The following ZCCHC14 variants were observed in gnomAD, a reference collection of about 807,000 sequenced individuals.
ZCCHC14 encodes the protein zinc finger CCHC domain-containing protein 14.
Under a neutral mutation model 85.0 loss-of-function variants are expected in ZCCHC14, and 16 were observed. That is an observed-to-expected ratio of 0.19 (90% CI 0.13 to 0.29). The LOEUF (loss-of-function observed/expected upper bound fraction) is 0.29. ZCCHC14 is among the 10% of genes least tolerant of loss of function. The pLI is 1.00. For missense variants in ZCCHC14, 1,303 were observed against 1,443.5 expected, an observed-to-expected ratio of 0.90 and a Z score of 1.58; for synonymous variants, 775 against 630.7, an observed-to-expected ratio of 1.23 and a Z score of -3.43.
At position 87,492,749 on chromosome 16, in the gene ZCCHC14, G is replaced by C. The variant is rs934746508; in HGVS notation, c.-511C>G. On this transcript the variant is annotated 5_prime_UTR_variant, in exon 1 of 13. Transcript: ENST00000671377. This position sits in a 1 kb window ranked among gnomAD's most constrained non-coding sequence, Gnocchi z 6.7. ...CTCCGCCCAGGCCGGCCGTTACCCC[G>C]GGCCGCGGGCGCGGCGTCGCCGCCT... The C allele has an allele frequency of 4.2e-5, 6 of 143,908 alleles. No individual in the cohort carries two copies. Among genetic ancestry groups the C allele is most frequent in the Non-Finnish European group, 7.6e-5 (5 of 65,426 alleles). The allele number at this position is 143,908 out of a possible 1,614,324, so 8.9% of individuals were successfully genotyped here.
At position 87,481,526 on chromosome 16, in the gene ZCCHC14, CGGGGGGGGGGGGGGGTGG is replaced by C. The variant is rs1184208945; in HGVS notation, c.570+10125_570+10142del. Among the ~76,000 whole-genome samples, 2 of 2,434 alleles carry C rather than the reference CGGGGGGGGGGGGGGGTGG, an allele frequency of 8.2e-4. 1 individual carries two copies. The highest frequency in any genetic ancestry group is 0.062 in the South Asian group (2 of 32). 1.6% of individuals were successfully genotyped at this position (2,434 alleles called of 152,430 possible). A position where few individuals can be genotyped will look rare whatever the true frequency, so the allele number is the denominator to read the frequency against. On this transcript the variant is annotated intron_variant, in intron 1 of 12. Coordinates refer to ENST00000671377, the MANE Select transcript of ZCCHC14 (RefSeq NM_015144.3). ...ATGGCAAGTGTGGCAGGGAGAGAAA[CGGGGGGGGGGGGGGGTGG>C]GGGGGGGGAAGGGTAAGCGGGAGGG... is the stretch of plus-strand genomic sequence containing the variant.
In ZCCHC14 at chr16:87,408,644, A is replaced by C. The variant is rs760773295; in HGVS notation, c.*1636T>G. On this transcript the variant is annotated 3_prime_UTR_variant, in exon 13 of 13. Transcript: ENST00000671377. ...ATTGCATAGAAATAAAATTCAACTA[A>C]AATAAAACTAAAAAATTCTACTAAA... The C allele has an allele frequency of 1.5e-4, 23 of 152,578 alleles. No individual in the cohort carries two copies. The highest frequency in any genetic ancestry group is 2.8e-4 in the Non-Finnish European group (19 of 68,038). The allele number at this position is 152,578 out of a possible 1,614,324, so 9.5% of individuals were successfully genotyped here.
chr16:87,441,643 T>C (rs371179127), intron 2 of ZCCHC14, among the ~76,000 whole-genome samples: 6 of 152,330 alleles, frequency 3.9e-5, no homozygotes, highest in African/African-American at 9.6e-5. Context: ...GGCTTTATTG[T>C]AGGAAAATAT....
At position 87,412,022 on chromosome 16, in the gene ZCCHC14, T is replaced by C. The variant is rs1194247438; in HGVS notation, c.2699A>G (p.His900Arg). The change falls in exon 12 of 13, where the codon CAC becomes CGC. Residue 900 changes from histidine (H) to arginine (R), a missense_variant. His to Arg is a conservative substitution (Grantham distance 29). Coordinates refer to ENST00000671377, the MANE Select transcript of ZCCHC14 (RefSeq NM_015144.3). ...CTGCTGATGGTGGTGGTGGTGGTGG[T>C]GGTTCGGATTCGAGGCAGGAATGTT... ...TGNIPASNPNHHHHHHHQQPP... is the reference protein window; with the variant it reads ...TGNIPASNPNRHHHHHHQQPP... 4 of 1,608,570 alleles carry C rather than the reference T, an allele frequency of 2.5e-6. No individual in the cohort carries two copies. In the African/African-American group the frequency reaches 5.4e-5, roughly 22 times the overall value.
rs1597404076 is a variant in ZCCHC14 at position 87,420,662 on chromosome 16, C to A, written c.895G>T (p.Gly299Cys). The change falls in exon 5 of 13, where the codon GGT (glycine) becomes TGT (cysteine). Residue 299 changes from glycine (G) to cysteine (C), a missense_variant. Gly to Cys is a radical substitution (Grantham distance 159, BLOSUM62 -3). Transcript: ENST00000671377. This position sits in a 1 kb window ranked among gnomAD's most constrained non-coding sequence, Gnocchi z 5.0. ...CGCTCCACATAAAATGCGTCCGGAC[C>A]AGCTAAGCAAGGAATGAGTTTCTCC... ...NLEKLIPCLA[G>C]PDAFYVERNH... 1 of 1,613,962 alleles carries A rather than the reference C, an allele frequency of 6.2e-7. No individual in the cohort carries two copies.
At chr16:87,440,207 C>T (rs1456657595) in intron 2 of ZCCHC14, among the ~76,000 whole-genome samples, 1 of 152,010 alleles carries the variant, frequency 6.6e-6, no homozygotes, top group Non-Finnish European at 1.5e-5. Flanking sequence ...CTCTGTCGCC[C>T]AGTCTGGAGT....
At chr16:87,463,239 G>C (rs1012759029) in intron 1 of ZCCHC14, among the ~76,000 whole-genome samples, 1 of 152,096 alleles carries the variant, frequency 6.6e-6, no homozygotes, top group Admixed American at 6.5e-5. Flanking sequence ...AAAATTAGCT[G>C]GGTGTCGTGG....
rs1235944451 is a variant in ZCCHC14 at position 87,413,164 on chromosome 16, G to A, written c.1635C>T (p.His545=). The A allele has an allele frequency of 2.5e-6, 4 of 1,596,844 alleles. No individual in the cohort carries two copies. In the African/African-American group the frequency reaches 4.0e-5, roughly 16 times the overall value. The change falls in exon 11 of 13, where the codon CAC becomes CAT. Residue 545 remains histidine, a synonymous_variant. Transcript: ENST00000671377. ...ELRVEVEQPH[H]QLPREGSSSE... ...AGGAACTGCCTTCCCGGGGCAGCTG[G>A]TGATGGGGCTGCTCCACTTCCACCC...
Position 87,491,924 on chromosome 16 carries a change from G to A in ZCCHC14, c.315C>T (p.Leu105=), listed in dbSNP as rs1429071822. ...AGTCGATGTGCGTGAGCGTGCGGTA[G>A]AGCACGCCCGCCGCCTCGCGCTGCT... is the stretch of plus-strand genomic sequence containing the variant. The part of the protein sequence containing the change: ...GSEQREAAGV[L]YRTLTHIDSI... The change falls in exon 1 of 13, where the codon CTC becomes CTT. Residue 105 remains leucine (L), a synonymous_variant. Transcript: ENST00000671377. The surrounding 1 kb of genome is among the most constrained non-coding windows in gnomAD (Gnocchi z 5.9). The A allele has an allele frequency of 8.6e-5, 127 of 1,474,716 alleles. No homozygotes were observed. The highest frequency in any genetic ancestry group is 9.7e-5 in the Non-Finnish European group (109 of 1,119,798). 91.4% of individuals were successfully genotyped at this position (1,474,716 alleles called of 1,614,324 possible). A position where few individuals can be genotyped will look rare whatever the true frequency, so the allele number is the denominator to read the frequency against.
intron 3 of ZCCHC14, among the ~76,000 whole-genome samples, chr16:87,424,510 C>T (rs1909267931): frequency 6.6e-6 from 1 of 152,320 alleles, no homozygotes; most frequent in African/African-American, 2.4e-5. Flanking sequence ...TTGTGAGCAT[C>T]AGCTTTCCTT....
intron 1 of ZCCHC14, among the ~76,000 whole-genome samples, chr16:87,475,774 G>A (rs1384292595): frequency 1.3e-5 from 2 of 152,092 alleles, no homozygotes; most frequent in Non-Finnish European, 2.9e-5. Context: ...ATATCACACA[G>A]TTTAACATAC....
chr16:87,453,359 G>C (rs1446752959), intron 2 of ZCCHC14, among the ~76,000 whole-genome samples: 3 of 152,274 alleles, frequency 2.0e-5, no homozygotes, highest in African/African-American at 7.2e-5. Context: ...CTGGAGAGTA[G>C]TGGGAGCAGG....
intron 2 of ZCCHC14, among the ~76,000 whole-genome samples, chr16:87,434,431 G>A (rs963139085): frequency 6.6e-6 from 1 of 152,256 alleles, no homozygotes; most frequent in African/African-American, 2.4e-5. Flanking sequence ...GAGGCTACGG[G>A]AGCATTCTCC....
At chr16:87,423,152 C>T (rs1909191210) in intron 4 of ZCCHC14, among the ~76,000 whole-genome samples, 1 of 152,234 alleles carries the variant, frequency 6.6e-6, no homozygotes, top group Non-Finnish European at 1.5e-5. Context: ...ACAGCACAGG[C>T]CAGTGGGCCC....
chr16:87,451,041 G>A (rs776915859), intron 2 of ZCCHC14, among the ~76,000 whole-genome samples: 1 of 151,718 alleles, frequency 6.6e-6, no homozygotes, highest in South Asian at 2.1e-4. Context: ...TGGGATTACA[G>A]GTGCGTGCCA....
chr16:87,444,038 G>GAAAAAA (rs56352252), intron 2 of ZCCHC14, among the ~76,000 whole-genome samples: 24 of 77,080 alleles, frequency 3.1e-4, no homozygotes, highest in East Asian at 5.2e-4. Context: ...CTCTATCACA[G>GAAAAAA]AAAAAAAAAA....
intron 1 of ZCCHC14, chr16:87,467,273 A>G: frequency 1.3e-6 from 2 of 1,576,886 alleles, no homozygotes; most frequent in Non-Finnish European, 1.7e-6. Flanking sequence ...AATTAAGGAT[A>G]ATGGAGATCT....
chr16:87,429,896 C>G (rs538559927), intron 3 of ZCCHC14, among the ~76,000 whole-genome samples: 1 of 152,208 alleles, frequency 6.6e-6, no homozygotes, highest in South Asian at 2.1e-4. Context: ...CGTGAGCCAC[C>G]GCGCCCAGCC....
chr16:87,431,272 G>A (rs1291546751), intron 3 of ZCCHC14, among the ~76,000 whole-genome samples: 1 of 152,034 alleles, frequency 6.6e-6, no homozygotes, highest in Non-Finnish European at 1.5e-5. Flanking sequence ...AGGACATTGA[G>A]ACCATCCTGG....
Sources: gnomAD v4.1 joint callset for allele counts (sites outside exome capture counted in the v4.1 genomes callset) on GRCh38, gnomAD v4.1.1 for gene constraint, Gnocchi (gnomAD v3.1) non-coding constraint, MANE v1.5 for transcripts, NCBI Gene and HGNC (gene_info 2026-07-23, HGNC 2026-07-21) for gene names.